NPFFR2: variants seen among roughly 807,000 people sequenced by gnomAD.
NPFFR2 encodes the protein neuropeptide FF receptor 2.
Under a neutral mutation model 13.1 loss-of-function variants are expected in NPFFR2, and 15 were observed. The ratio of observed to expected loss-of-function variants is 1.15; its 90% CI spans 0.77 to 1.76. The LOEUF is 1.76. Ranked by LOEUF, NPFFR2 falls within the 40% of genes most tolerant of loss-of-function variation. The pLI is 0.00. For synonymous variants in NPFFR2, 190 were observed against 175.7 expected, an observed-to-expected ratio of 1.08 and a Z score of -0.65; for missense variants, 572 against 503.5, an observed-to-expected ratio of 1.14 and a Z score of -1.30.
chr4:72,136,401 C>T (rs1262782778), intron 2 of NPFFR2, among the ~76,000 whole-genome samples: 1 of 151,796 alleles, frequency 6.6e-6, no homozygotes, highest in African/African-American at 2.4e-5. Context: ...AACAAAACAC[C>T]ACCAGAAAAA....
rs139550781 is a variant in NPFFR2, at chr4:72,125,331, G to T, written c.-7-3254G>T. Among the ~76,000 whole-genome samples the T allele has an allele frequency of 4.4e-3, 676 of 152,214 alleles. 3 individuals are homozygous for T. Among genetic ancestry groups the T allele is most frequent in the African/African-American group, 0.016 (650 of 41,558 alleles). On this transcript the variant is annotated intron_variant, in intron 1 of 3. Coordinates refer to ENST00000308744, the MANE Select transcript of NPFFR2 (RefSeq NM_004885.3). ...GGAATGCTTTTACACTGTTGTGGAA[G>T]TTTAAATTAGTTCAACCATTGTGGA...
intron 1 of NPFFR2, chr4:72,068,911 A>G (rs1720159918): frequency 3.0e-6 from 3 of 1,013,076 alleles, no homozygotes; most frequent in South Asian, 1.8e-5. Context: ...CTTTATTTCC[A>G]GGTCTCCTCA....
At chr4:72,104,295 A>T (rs928436701) in intron 1 of NPFFR2, among the ~76,000 whole-genome samples, 1 of 151,952 alleles carries the variant, frequency 6.6e-6, no homozygotes, top group African/African-American at 2.4e-5. Context: ...TCATCCTGTT[A>T]TTTTTGGCAT....
intron 1 of NPFFR2, among the ~76,000 whole-genome samples, chr4:72,033,754 C>T (rs569880932): frequency 6.6e-6 from 1 of 152,180 alleles, no homozygotes; most frequent in East Asian, 1.9e-4. Context: ...TTATTTTATC[C>T]CATAGTTCCT....
intron 1 of NPFFR2, among the ~76,000 whole-genome samples, chr4:72,109,721 G>GT (rs1270313036): frequency 1.3e-5 from 2 of 151,776 alleles, no homozygotes; most frequent in Non-Finnish European, 2.9e-5. Context: ...TGTTGTTGTT[G>GT]TTTTTTAATG....
chr4:72,047,340 T>C (rs1404083912), intron 1 of NPFFR2, among the ~76,000 whole-genome samples: 2 of 152,160 alleles, frequency 1.3e-5, no homozygotes, highest in African/African-American at 4.8e-5. Context: ...CCTTCCATTA[T>C]AGGCCCAGAG....
intron 1 of NPFFR2, among the ~76,000 whole-genome samples, chr4:72,110,756 A>G (rs900001123): frequency 2.3e-4 from 35 of 152,004 alleles, no homozygotes; most frequent in African/African-American, 8.2e-4. Flanking sequence ...TAGTCTGTGT[A>G]TGTTCTGGTT....
At chr4:72,128,980 C>A in intron 2 of NPFFR2, 61 bp downstream of exon 2, 1 of 1,286,030 alleles carries the variant, frequency 7.8e-7, no homozygotes, top group South Asian at 1.4e-5. Flanking sequence ...ATTTCAGCAG[C>A]CATTGGCAGG....
At chr4:72,103,874 A>G (rs751915829) in intron 1 of NPFFR2, among the ~76,000 whole-genome samples, 3 of 152,084 alleles carry the variant, frequency 2.0e-5, no homozygotes, top group Non-Finnish European at 4.4e-5. Flanking sequence ...CTAATCCCAA[A>G]CTATTATAAA....
At chr4:72,131,099 G>A (rs977647637) in intron 2 of NPFFR2, among the ~76,000 whole-genome samples, 2 of 151,816 alleles carry the variant, frequency 1.3e-5, no homozygotes, top group South Asian at 2.1e-4. Flanking sequence ...CTTCTCTGCC[G>A]CACCACTCTG....
rs114722466 is a variant in NPFFR2 at position 72,109,958 on chromosome 4, G to T, written c.-7-18627G>T. 4.0e-3 allele frequency among the ~76,000 whole-genome samples: 604 copies of T among 152,088 alleles called. 6 individuals are homozygous for T. The highest frequency in any genetic ancestry group is 0.014 in the African/African-American group (584 of 41,520). On this transcript the variant is annotated intron_variant, in intron 1 of 3. Transcript: ENST00000308744. ...TTGCTTCATGGGGAGCAATTCGCAA[G>T]ACACAGAACATGCAGCAATTAACCT...
At chr4:72,095,059 C>A (rs777835130) in intron 1 of NPFFR2, among the ~76,000 whole-genome samples, 19 of 152,156 alleles carry the variant, frequency 1.2e-4, no homozygotes, top group Non-Finnish European at 2.2e-4. Context: ...TTTCCTACAT[C>A]TTCCCTCTTC....
chr4:72,065,381 A>T (rs4419448), intron 1 of NPFFR2, among the ~76,000 whole-genome samples: 1 of 152,090 alleles, frequency 6.6e-6, no homozygotes. Flanking sequence ...GAAGAAAAAC[A>T]TATCAAGAAA....
intron 1 of NPFFR2, among the ~76,000 whole-genome samples, chr4:72,116,416 A>G (rs1243691998): frequency 6.6e-6 from 1 of 151,608 alleles, no homozygotes; most frequent in Non-Finnish European, 1.5e-5. Flanking sequence ...GGACTACTAG[A>G]TGGGAAGGGA....
At position 72,147,999 on chromosome 4, in the gene NPFFR2, A is replaced by G; in HGVS notation, c.*187A>G. On this transcript the variant is annotated 3_prime_UTR_variant, in exon 4 of 4. Coordinates refer to ENST00000308744, the MANE Select transcript of NPFFR2 (RefSeq NM_004885.3). ...AAGATCATAAACAATCTTATGTTGT[A>G]TAAAAATACGTAGAGTGACTTAGAC... 1 of 511,140 alleles carries G rather than the reference A, an allele frequency of 2.0e-6. No homozygotes were observed. The highest frequency in any genetic ancestry group is 3.4e-6 in the Non-Finnish European group (1 of 293,950). The allele number at this position is 511,140 out of a possible 1,614,324, so 31.7% of individuals were successfully genotyped here. A position where few individuals can be genotyped will look rare whatever the true frequency, so the allele number is the denominator to read the frequency against.
chr4:72,092,338 A>ATATCTATT lies in NPFFR2; in HGVS notation c.-7-36246_-7-36239dup, dbSNP rs537901095. ...GGTTCTTGGGTAGAAGGTTCTGTAA[A>ATATCTATT]TATCTATTAAGTCCATTTGTTCTTG... On this transcript the variant is annotated intron_variant, in intron 1 of 3. Transcript: ENST00000308744. Among the ~76,000 whole-genome samples, 11 of 152,194 alleles carry ATATCTATT rather than the reference A, an allele frequency of 7.2e-5. No homozygotes were observed. The South Asian group carries it at 2.3e-3, about 32-fold the overall frequency.
chr4:72,121,181 C>T (rs570108034), intron 1 of NPFFR2, among the ~76,000 whole-genome samples: 11 of 151,856 alleles, frequency 7.2e-5, no homozygotes, highest in African/African-American at 2.4e-4. Context: ...TGAAATAAAG[C>T]GTGAAGACAA....
Position 72,032,115 on chromosome 4 carries a change from T to C in NPFFR2, c.-93T>C, listed in dbSNP as rs150945821. ...GAGCCGGCAGACTGCGAAAAGTAGCTGGAGCCGGAGCAGGGACAGAACCTG... is the reference window on the plus strand; with the variant it reads ...GAGCCGGCAGACTGCGAAAAGTAGCCGGAGCCGGAGCAGGGACAGAACCTG... On this transcript the variant is annotated 5_prime_UTR_variant, in exon 1 of 4. Transcript: ENST00000308744. 123 of 1,614,086 alleles carry C rather than the reference T, an allele frequency of 7.6e-5. 1 individual carries two copies. In the Middle Eastern group the frequency reaches 4.1e-3, roughly 54 times the overall value.
At chr4:72,064,617 G>T (rs1195767847) in intron 1 of NPFFR2, among the ~76,000 whole-genome samples, 2 of 152,132 alleles carry the variant, frequency 1.3e-5, no homozygotes, top group Non-Finnish European at 2.9e-5. Flanking sequence ...ATAGTAGGAG[G>T]GAGGGATCAT....
Sources: allele counts gnomAD v4.1 joint callset (sites outside exome capture counted in the v4.1 genomes callset), GRCh38; gene constraint gnomAD v4.1.1; transcripts MANE v1.5; gene names NCBI Gene and HGNC (gene_info 2026-07-23, HGNC 2026-07-21).